The following DAB1 variants were observed in gnomAD, a reference collection of about 807,000 sequenced individuals.
DAB1 encodes DAB adaptor protein 1, also known as disabled homolog 1.
DAB1 carries 15 observed loss-of-function variants against 64.6 expected under a neutral mutation model. The ratio of observed to expected loss-of-function variants is 0.23; its 90% CI spans 0.16 to 0.36. The LOEUF (loss-of-function observed/expected upper bound fraction) is 0.36. DAB1 is among the 10% of genes least tolerant of loss of function. The pLI is 1.00. For missense variants in DAB1, 596 were observed against 706.7 expected (o/e 0.84, Z 1.78); for synonymous variants, 235 against 251.9 (o/e 0.93, Z 0.64).
At chr1:57,295,327 T>A (rs1482574718) in intron 1 of DAB1, among the ~76,000 whole-genome samples, 1 of 152,204 alleles carries the variant, frequency 6.6e-6, no homozygotes, top group African/African-American at 2.4e-5. Flanking sequence ...AATGTAGTGC[T>A]AAAAGACAGA....
At chr1:57,681,741 G>A (rs1646638413) in intron 6 of DAB1, among the ~76,000 whole-genome samples, 1 of 152,196 alleles carries the variant, frequency 6.6e-6, no homozygotes, top group Non-Finnish European at 1.5e-5. Flanking sequence ...GATTACTGAT[G>A]AATGAAGAAA....
At chr1:57,465,857 G>A (rs746664850) in intron 7 of DAB1, among the ~76,000 whole-genome samples, 3 of 152,174 alleles carry the variant, frequency 2.0e-5, no homozygotes, top group Non-Finnish European at 4.4e-5. Flanking sequence ...AGACCAGGTT[G>A]AAACAAGCAC....
At chr1:58,319,779 A>C (rs1182807091) in intron 4 of DAB1, among the ~76,000 whole-genome samples, 2 of 152,200 alleles carry the variant, frequency 1.3e-5, no homozygotes, top group African/African-American at 4.8e-5. Context: ...TCATTCTAGG[A>C]AAGAAGTGCT....
chr1:57,937,643 T>G (rs1195027082), intron 5 of DAB1, among the ~76,000 whole-genome samples: 1 of 152,160 alleles, frequency 6.6e-6, no homozygotes, highest in Non-Finnish European at 1.5e-5. Flanking sequence ...CCTAGCCACT[T>G]AAAGTGCTCT....
intron 5 of DAB1, among the ~76,000 whole-genome samples, chr1:57,920,121 G>A (rs551814078): frequency 3.9e-5 from 6 of 152,166 alleles, no homozygotes; most frequent in Admixed American, 2.0e-4. Flanking sequence ...AGGCAGAGAG[G>A]TGAGCTAGCT....
At chr1:58,514,620 CAT>C (rs1261100145) in intron 2 of DAB1, among the ~76,000 whole-genome samples, 1 of 152,138 alleles carries the variant, frequency 6.6e-6, no homozygotes, top group African/African-American at 2.4e-5. Flanking sequence ...CTGTATTCCA[CAT>C]AGACATGTGA....
chr1:57,476,725 T>C (rs537494023), intron 7 of DAB1, among the ~76,000 whole-genome samples: 33 of 152,306 alleles, frequency 2.2e-4, no homozygotes, highest in Non-Finnish European at 4.1e-4. Flanking sequence ...TGTAAGCAGT[T>C]AATTGCAACA....
rs569727551 is a variant in DAB1, at chr1:58,327,306, A to T, written n.309+16046T>A. Among the ~76,000 whole-genome samples the T allele has an allele frequency of 8.3e-4, 126 of 152,300 alleles. 1 individual carries two copies. Among genetic ancestry groups the T allele is most frequent in the African/African-American group, 2.6e-3 (108 of 41,554 alleles). On this transcript the variant is annotated intron_variant and non_coding_transcript_variant, in intron 4 of 20. Coordinates refer to the DAB1 transcript ENST00000485760. ...AAAGAAGAAAGGGAGGGAGGAAGGA[A>T]GGAAGGAAGAGGAGAAGGAAGAGGA...
intron 6 of DAB1, among the ~76,000 whole-genome samples, chr1:57,741,654 G>A (rs568690267): frequency 1.2e-4 from 18 of 152,324 alleles, no homozygotes; most frequent in African/African-American, 4.3e-4. Context: ...CTTGCCAAAC[G>A]TTAGGTCTAT....
At chr1:58,347,907 T>C (rs1644017025) in intron 3 of DAB1, among the ~76,000 whole-genome samples, 1 of 152,194 alleles carries the variant, frequency 6.6e-6, no homozygotes, top group Non-Finnish European at 1.5e-5. Context: ...TCTGAGCTCC[T>C]GCAAGGCAGC....
At chr1:57,383,097 C>A (rs552535690) in intron 1 of DAB1, among the ~76,000 whole-genome samples, 2 of 151,766 alleles carry the variant, frequency 1.3e-5, no homozygotes, top group Admixed American at 1.3e-4. Context: ...GGGGGTTGGA[C>A]TGTAGTGTTA....
At chr1:57,922,845 CAAAAAAAAAAAAAA>C (rs367897659) in intron 5 of DAB1, among the ~76,000 whole-genome samples, 8 of 45,010 alleles carry the variant, frequency 1.8e-4, no homozygotes, top group Admixed American at 3.2e-4. Flanking sequence ...GACTCCATCT[CAAAAAAAAAAAAAA>C]AAAAAAAAAG....
chr1:57,696,134 A>C (rs192841085), intron 6 of DAB1, among the ~76,000 whole-genome samples: 190 of 152,170 alleles, frequency 1.2e-3, no homozygotes, highest in African/African-American at 4.4e-3. Context: ...CAGTCTCTGC[A>C]TTCCTTTTTA....
chr1:57,104,367 C>T (rs1014229212), intron 4 of DAB1, among the ~76,000 whole-genome samples: 7 of 152,016 alleles, frequency 4.6e-5, no homozygotes, highest in African/African-American at 1.7e-4. Context: ...TCCTTCACCA[C>T]AGATAGTTTA....
chr1:58,091,017 C>CTGT (rs919682762), intron 5 of DAB1, among the ~76,000 whole-genome samples: 1 of 152,194 alleles, frequency 6.6e-6, no homozygotes, highest in African/African-American at 2.4e-5. Context: ...ATCTCACACT[C>CTGT]TGTTACACCC....
chr1:58,459,814 C>T (rs1645225763), intron 3 of DAB1, among the ~76,000 whole-genome samples: 1 of 152,128 alleles, frequency 6.6e-6, no homozygotes, highest in African/African-American at 2.4e-5. Context: ...CCCATCTCTA[C>T]TAAAAATACA....
At chr1:58,211,431 A>G (rs1658545921) in intron 4 of DAB1, among the ~76,000 whole-genome samples, 1 of 152,174 alleles carries the variant, frequency 6.6e-6, no homozygotes, top group African/African-American at 2.4e-5. Flanking sequence ...TTTTCTGATG[A>G]TCACACTGCA....
chr1:57,868,658 A>G (rs1654406527), intron 1 of DAB1, among the ~76,000 whole-genome samples: 1 of 152,070 alleles, frequency 6.6e-6, no homozygotes, highest in Non-Finnish European at 1.5e-5. Context: ...ACTGCAGTAG[A>G]CTATTGAGTT....
chr1:58,202,737 T>C (rs1294577889), intron 4 of DAB1, among the ~76,000 whole-genome samples: 1 of 152,192 alleles, frequency 6.6e-6, no homozygotes, highest in African/African-American at 2.4e-5. Context: ...ACAATAAAAA[T>C]CACCTGCACT....
Sources: gnomAD v4.1 joint callset for allele counts (sites outside exome capture counted in the v4.1 genomes callset) on GRCh38, gnomAD v4.1.1 for gene constraint, MANE v1.5 for transcripts, NCBI Gene and HGNC (gene_info 2026-07-23, HGNC 2026-07-21) for gene names.